ADD1: variants seen among roughly 807,000 people sequenced by gnomAD.
The protein encoded by ADD1 is adducin 1.
ADD1 carries 24 observed loss-of-function variants against 80.5 expected under a neutral mutation model. The ratio of observed to expected loss-of-function variants is 0.30; its 90% CI spans 0.22 to 0.42. ADD1 has a LOEUF of 0.42. Among genes scored for constraint, ADD1 ranks in the 10% least tolerant of loss-of-function variants. The pLI is 1.00. For missense variants in ADD1, 948 were observed against 1,019.0 expected, an observed-to-expected ratio of 0.93 and a Z score of 0.95; for synonymous variants, 373 against 393.8, an observed-to-expected ratio of 0.95 and a Z score of 0.63.
At chr4:2,894,785 A>G in intron 6 of ADD1, 54 bp downstream of exon 6, 1 of 1,536,348 alleles carries the variant, frequency 6.5e-7, no homozygotes, top group Non-Finnish European at 8.7e-7. Flanking sequence ...AGTGAAAGGC[A>G]CTGCACGTTT....
chr4:2,849,103 C>T (rs995492465), intron 1 of ADD1, among the ~76,000 whole-genome samples: 1 of 152,142 alleles, frequency 6.6e-6, no homozygotes, highest in Admixed American at 6.5e-5. Context: ...GGTTTATACT[C>T]CTACCAACTG....
chr4:2,850,857 A>G (rs1372637288), intron 1 of ADD1, among the ~76,000 whole-genome samples: 1 of 152,228 alleles, frequency 6.6e-6, no homozygotes, highest in Non-Finnish European at 1.5e-5. Context: ...GGTGTGAGCC[A>G]CTGTACCTGA....
chr4:2,894,506 A>G, intron 5 of ADD1, 76 bp from the exon 6 acceptor site: 1 of 1,236,570 alleles, frequency 8.1e-7, no homozygotes, highest in Non-Finnish European at 1.1e-6. Context: ...GCCAGACCCT[A>G]TCAAAAAAAA....
rs771690920 is a variant in ADD1 at position 2,898,136 on chromosome 4, T to C, written c.742-48T>C. Reference sequence around the variant, plus strand: ...AAGCATTTACCATATCATCAGTCATTGTGTAACCCCAGGTTTTCCTTCTTC... The same window carrying C: ...AAGCATTTACCATATCATCAGTCATCGTGTAACCCCAGGTTTTCCTTCTTC... On this transcript the variant is annotated intron_variant, in intron 6 of 15. Coordinates refer to ENST00000683351, the MANE Select transcript of ADD1 (RefSeq NM_001354761.2). 4 of 1,572,988 alleles carry C rather than the reference T, an allele frequency of 2.5e-6. No individual in the cohort carries two copies. In the East Asian group the frequency reaches 9.0e-5, roughly 35 times the overall value.
At chr4:2,886,181 C>T (rs1483329189) in intron 4 of ADD1, among the ~76,000 whole-genome samples, 5 of 152,280 alleles carry the variant, frequency 3.3e-5, no homozygotes, top group Non-Finnish European at 7.3e-5. Flanking sequence ...GCAGTGTGTG[C>T]GCTGTTCACG....
chr4:2,881,873 TC>T, intron 2 of ADD1, 24 bp from the exon 3 acceptor site: 2 of 1,577,676 alleles, frequency 1.3e-6, no homozygotes, highest in South Asian at 2.3e-5. Context: ...AAATGGTATC[TC>T]AGTGTTTTAA....
At chr4:2,885,615 C>CT (rs1242809130) in intron 4 of ADD1, among the ~76,000 whole-genome samples, 174 of 145,476 alleles carry the variant, frequency 1.2e-3, no homozygotes, top group South Asian at 3.1e-3. Flanking sequence ...TTCCTGCCTT[C>CT]TTTTTTTTTT....
At chr4:2,880,459 CTTTCTTTTT>C (rs1732075550) in intron 2 of ADD1, among the ~76,000 whole-genome samples, 1 of 78,934 alleles carries the variant, frequency 1.3e-5, no homozygotes, top group Non-Finnish European at 2.7e-5. Flanking sequence ...ATATTTCTTT[CTTTCTTTTT>C]TTTTTTTTTT....
At chr4:2,852,429 C>G (rs993992058) in intron 1 of ADD1, among the ~76,000 whole-genome samples, 5 of 147,764 alleles carry the variant, frequency 3.4e-5, no homozygotes, top group Non-Finnish European at 5.9e-5. Context: ...CGGGTTCAAG[C>G]GATTCTTGTG....
rs1712672499 is a variant in ADD1, at chr4:2,929,598, G to A, written c.*1075G>A. The stretch of plus-strand genomic sequence containing the variant: ...CGGAGGGTGACCCATTTCAGGAGGT[G>A]CCGGTACCAGCCTGACTAGGTACAG... On this transcript the variant is annotated 3_prime_UTR_variant, in exon 16 of 16. Coordinates refer to ENST00000683351, the MANE Select transcript of ADD1 (RefSeq NM_001354761.2). 6.6e-6 allele frequency: 1 copy of A among 152,312 alleles called. No individual in the cohort carries two copies. The highest frequency in any genetic ancestry group is 2.4e-5 in the African/African-American group (1 of 41,474). 9.4% of individuals were successfully genotyped at this position (152,312 alleles called of 1,614,324 possible).
chr4:2,848,112 G>A (rs1336245676), intron 1 of ADD1, among the ~76,000 whole-genome samples: 2 of 152,036 alleles, frequency 1.3e-5, no homozygotes, highest in African/African-American at 4.8e-5. Flanking sequence ...GTACTCAAGA[G>A]GCTGAGGCGG....
At chr4:2,847,440 A>G (rs1333496080) in intron 1 of ADD1, among the ~76,000 whole-genome samples, 1 of 151,340 alleles carries the variant, frequency 6.6e-6, no homozygotes, top group Non-Finnish European at 1.5e-5. Flanking sequence ...CTAGGATTCT[A>G]CTCAACCTTC....
In ADD1 at chr4:2,914,888, A is replaced by T; in HGVS notation, c.1796A>T (p.Glu599Val). The T allele has an allele frequency of 6.2e-7, 1 of 1,609,548 alleles. No homozygotes were observed. Among genetic ancestry groups the T allele is most frequent in the Non-Finnish European group, 8.5e-7 (1 of 1,177,592 alleles). The part of the protein sequence containing the change: ...PAKSLSFRKG[E>V]LVTASKAIIE... ...AGATGTGCCTTTCATCCACAGGGAG[A>T]GCTGGTGACGGCCTCCAAGGCCATC... is the stretch of plus-strand genomic sequence containing the variant. Residue 599 changes from glutamate (E) to valine (V), a missense_variant, in exon 14 of 16, where the codon GAG (glutamate) becomes GTG (valine). Coordinates refer to ENST00000683351, the MANE Select transcript of ADD1 (RefSeq NM_001354761.2).
At chr4:2,871,001 C>T (rs1002077526) in intron 1 of ADD1, among the ~76,000 whole-genome samples, 5 of 149,660 alleles carry the variant, frequency 3.3e-5, no homozygotes, top group Non-Finnish European at 5.9e-5. Flanking sequence ...TGGAGTCTCG[C>T]TCTGTCACCC....
At chr4:2,878,650 C>T (rs1577527511) in intron 2 of ADD1, among the ~76,000 whole-genome samples, 1 of 151,978 alleles carries the variant, frequency 6.6e-6, no homozygotes, top group Non-Finnish European at 1.5e-5. Context: ...CAAGGCTGGG[C>T]GCGGTGGCTC....
Position 2,930,013 on chromosome 4 carries a change from C to A in ADD1, c.*1490C>A, listed in dbSNP as rs1456175589. The A allele has an allele frequency of 2.0e-5, 3 of 152,536 alleles. No homozygotes were observed. Among genetic ancestry groups the A allele is most frequent in the Non-Finnish European group, 4.4e-5 (3 of 68,042 alleles). The allele number at this position is 152,536 out of a possible 1,614,324, so 9.4% of individuals were successfully genotyped here. ...ACTTGGGAGGACAGGTCCTGAATGT[C>A]CTTTCTCCAGTGTAACATGTTTTAC... On this transcript the variant is annotated 3_prime_UTR_variant, in exon 16 of 16. Transcript: ENST00000683351.
intron 1 of ADD1, among the ~76,000 whole-genome samples, chr4:2,866,838 A>G (rs1242517904): frequency 6.6e-6 from 1 of 152,198 alleles, no homozygotes; most frequent in Non-Finnish European, 1.5e-5. Context: ...TGGGAAGCCA[A>G]GGTGGGTGGA....
At position 2,920,319 on chromosome 4, in the gene ADD1, G is replaced by A. The variant is rs1739787574; in HGVS notation, c.1948+5279G>A. 3.3e-5 allele frequency among the ~76,000 whole-genome samples: 5 copies of A among 152,148 alleles called. 1 individual carries two copies. In the South Asian group the frequency reaches 8.3e-4, roughly 25 times the overall value. On this transcript the variant is annotated intron_variant, in intron 14 of 15. Coordinates refer to ENST00000683351, the MANE Select transcript of ADD1 (RefSeq NM_001354761.2). ...AAGAATGTATATTCTGTTGATTTGG[G>A]GTGGAGAGTTCTGTAGATGTCTGTT... is the stretch of plus-strand genomic sequence containing the variant.
chr4:2,926,156 G>GA lies in ADD1; in HGVS notation c.2047+44_2047+45insA. On this transcript the variant is annotated intron_variant, in intron 15 of 15. Transcript: ENST00000683351. The surrounding 1 kb of genome is among the most constrained non-coding windows in gnomAD (Gnocchi z 5.0). ...CGGCCGCCACTGTGGGAGGGTGCACGGCTCGTGCGCGCTGTGGCGGAATGT... is the reference window on the plus strand; with the variant it reads ...CGGCCGCCACTGTGGGAGGGTGCACGAGCTCGTGCGCGCTGTGGCGGAATGT... 3 of 1,538,726 alleles carry GA rather than the reference G, an allele frequency of 1.9e-6. No individual in the cohort carries two copies. Among genetic ancestry groups the GA allele is most frequent in the Non-Finnish European group, 2.7e-6 (3 of 1,112,242 alleles).
Sources: allele counts gnomAD v4.1 joint callset (sites outside exome capture counted in the v4.1 genomes callset), GRCh38; gene constraint gnomAD v4.1.1; non-coding constraint Gnocchi (gnomAD v3.1); transcripts MANE v1.5; gene names NCBI Gene and HGNC (gene_info 2026-07-23, HGNC 2026-07-21).